Variants in PLCE1 observed in about 807,000 individuals in gnomAD.
The protein encoded by PLCE1 is 1-phosphatidylinositol 4,5-bisphosphate phosphodiesterase epsilon-1.
A neutral mutation model predicts 242.8 loss-of-function variants in PLCE1; 119 were observed. That is an observed-to-expected ratio of 0.49 (90% CI 0.42 to 0.57). The LOEUF is 0.57. Ranked by LOEUF, PLCE1 falls within the 20% of genes least tolerant of loss-of-function variation. PLCE1 has a pLI of 0.00. For missense variants in PLCE1, 2,441 were observed against 2,788.8 expected, an observed-to-expected ratio of 0.88 and a Z score of 2.81; for synonymous variants, 945 against 1,017.4, an observed-to-expected ratio of 0.93 and a Z score of 1.35.
At chr10:94,179,998 G>A (rs772970734) in intron 4 of PLCE1, among the ~76,000 whole-genome samples, 12 of 151,146 alleles carry the variant, frequency 7.9e-5, no homozygotes, top group East Asian at 1.9e-4. Context: ...AATAAATTCC[G>A]TTTTTTATTA....
intron 25 of PLCE1, among the ~76,000 whole-genome samples, chr10:94,305,975 T>C (rs1056703611): frequency 6.6e-6 from 1 of 151,160 alleles, no homozygotes; most frequent in Non-Finnish European, 1.5e-5. Flanking sequence ...TACAATCACT[T>C]ACTTTTTTTT....
chr10:94,149,680 C>T (rs754464932), intron 3 of PLCE1, among the ~76,000 whole-genome samples: 5 of 152,154 alleles, frequency 3.3e-5, no homozygotes, highest in African/African-American at 4.8e-5. Flanking sequence ...GTCTCTTGGT[C>T]TCATTCAGTT....
At chr10:94,139,495 A>G in intron 3 of PLCE1, 1 of 155,386 alleles carries the variant, frequency 6.4e-6, no homozygotes. Flanking sequence ...AAGGAGGTCA[A>G]GTTGGCTGAG....
chr10:94,171,422 A>T lies in PLCE1; in HGVS notation c.1735A>T (p.Ile579Phe). ...QSSLPCLKAS[I>F]SASILTTQNG... ...CTCCTTGCCCTGCCTCAAAGCATCC[A>T]TCTCAGCGTCGATTCTTACCACTCA... Residue 579 changes from isoleucine (I) to phenylalanine (F), a missense_variant, in exon 4 of 33, where the codon ATC becomes TTC. This residue lies in a region of PLCE1 where 733 missense variants were observed against 754.2 expected (regional missense o/e 0.97). Transcript: ENST00000371380. 6.2e-7 allele frequency: 1 copy of T among 1,614,198 alleles called. No individual in the cohort carries two copies. The highest frequency in any genetic ancestry group is 1.1e-5 in the South Asian group (1 of 91,084).
intron 4 of PLCE1, among the ~76,000 whole-genome samples, chr10:94,179,535 G>A (rs1172707837): frequency 1.1e-4 from 3 of 27,332 alleles, no homozygotes; most frequent in Non-Finnish European, 2.4e-4. Context: ...TTTTTTGACA[G>A]GGTCTCTGTT....
intron 4 of PLCE1, among the ~76,000 whole-genome samples, chr10:94,193,817 G>A (rs1002610756): frequency 1.3e-5 from 2 of 152,210 alleles, no homozygotes; most frequent in Non-Finnish European, 1.5e-5. Flanking sequence ...ACTTCTGCAA[G>A]TAAGTTGAAA....
chr10:94,300,178 T>C (rs1303222241), intron 24 of PLCE1, among the ~76,000 whole-genome samples: 1 of 152,200 alleles, frequency 6.6e-6, no homozygotes, highest in Non-Finnish European at 1.5e-5. Flanking sequence ...GTTTTGGATG[T>C]GCCCTTTCTC....
Position 93,997,632 on chromosome 10 carries a change from C to CTTT in PLCE1, c.-365+3397_-365+3399dup, listed in dbSNP as rs34338995. ...TCATGACCCAAAACAAATAACCATC[C>CTTT]TTTTTTTTTTTTTTTTTTTTTTTTT... is the stretch of plus-strand genomic sequence containing the variant. On this transcript the variant is annotated intron_variant, in intron 1 of 32. Coordinates refer to ENST00000371380, the MANE Select transcript of PLCE1 (RefSeq NM_016341.4). 5.1e-3 allele frequency among the ~76,000 whole-genome samples: 408 copies of CTTT among 79,802 alleles called. 4 individuals are homozygous for CTTT. Among genetic ancestry groups the CTTT allele is most frequent in the African/African-American group, 0.019 (342 of 17,804 alleles). 52.4% of individuals were successfully genotyped at this position (79,802 alleles called of 152,430 possible).
chr10:94,231,890 C>T (rs964093223), intron 5 of PLCE1, among the ~76,000 whole-genome samples: 2 of 152,212 alleles, frequency 1.3e-5, no homozygotes, highest in African/African-American at 2.4e-5. Context: ...GCCCGCTGCT[C>T]ATCTCCTGCT....
intron 2 of PLCE1, among the ~76,000 whole-genome samples, chr10:94,097,224 A>C (rs2045349368): frequency 6.6e-6 from 1 of 152,168 alleles, no homozygotes; most frequent in East Asian, 1.9e-4. Flanking sequence ...TCTTTTATTT[A>C]GATTTTACTT....
intron 2 of PLCE1, among the ~76,000 whole-genome samples, chr10:94,065,803 G>A (rs2044180506): frequency 6.6e-6 from 1 of 152,188 alleles, no homozygotes; most frequent in South Asian, 2.1e-4. Flanking sequence ...AATAATTCCA[G>A]AAATGGTATC....
intron 2 of PLCE1, among the ~76,000 whole-genome samples, chr10:94,065,868 G>A (rs970334507): frequency 1.3e-5 from 2 of 152,108 alleles, no homozygotes; most frequent in Non-Finnish European, 2.9e-5. Flanking sequence ...GAGTCAGTGA[G>A]GTGGCCAACC....
chr10:94,245,207 T>C (rs2050636342), intron 7 of PLCE1, among the ~76,000 whole-genome samples: 1 of 152,134 alleles, frequency 6.6e-6, no homozygotes, highest in Non-Finnish European at 1.5e-5. Flanking sequence ...CTGAGAGGGG[T>C]TACCTTGAAC....
intron 3 of PLCE1, among the ~76,000 whole-genome samples, chr10:94,152,177 A>G (rs1295773110): frequency 2.0e-5 from 3 of 152,220 alleles, no homozygotes; most frequent in African/African-American, 7.2e-5. Flanking sequence ...TAATTAAACT[A>G]AAGAGCTCCT....
At chr10:94,067,726 T>C (rs1462858714) in intron 2 of PLCE1, among the ~76,000 whole-genome samples, 1 of 152,214 alleles carries the variant, frequency 6.6e-6, no homozygotes, top group Non-Finnish European at 1.5e-5. Context: ...AAGAGTCATC[T>C]AGCCTGCAGC....
intron 3 of PLCE1, among the ~76,000 whole-genome samples, chr10:94,154,761 G>A (rs1749322): frequency 0.27 from 40,313 of 151,512 alleles, 6,832 homozygotes; most frequent in Non-Finnish European, 0.38. Context: ...AGTACAGGAC[G>A]GGCATGGTGA....
At chr10:94,036,569 CCTT>C (rs1220385675) in intron 2 of PLCE1, among the ~76,000 whole-genome samples, 1 of 152,108 alleles carries the variant, frequency 6.6e-6, no homozygotes, top group Non-Finnish European at 1.5e-5. Flanking sequence ...CTGGTATCCT[CCTT>C]CTCCTCCTCA....
At chr10:94,221,252 G>A (rs2049733049) in intron 4 of PLCE1, among the ~76,000 whole-genome samples, 1 of 152,204 alleles carries the variant, frequency 6.6e-6, no homozygotes, top group Non-Finnish European at 1.5e-5. Context: ...CACCCCCAGT[G>A]CTTCTGATGT....
At position 94,255,002 on chromosome 10, in the gene PLCE1, G is replaced by A. The variant is rs753244923; in HGVS notation, c.3507G>A (p.Arg1169=). The A allele has an allele frequency of 2.5e-6, 4 of 1,614,084 alleles. 1 individual carries two copies. In the South Asian group the frequency reaches 4.4e-5, roughly 18 times the overall value. The change falls in exon 11 of 33, where the codon AGG becomes AGA. Residue 1169 remains arginine, a synonymous_variant. Transcript: ENST00000371380. The part of the protein sequence containing the change: ...NLAAGTSSPI[R]PVSSPVLSSS... ...CTGCCGGGACGTCATCTCCCATCAG[G>A]CCAGTGTCCTCCCCTGTGCTGTCTT... is the stretch of plus-strand genomic sequence containing the variant.
Sources: gnomAD v4.1 joint callset for allele counts (sites outside exome capture counted in the v4.1 genomes callset) on GRCh38, gnomAD v4.1.1 for gene constraint, gnomAD v4.1.1 regional missense constraint, MANE v1.5 for transcripts, NCBI Gene and HGNC (gene_info 2026-07-23, HGNC 2026-07-21) for gene names.